Variants in SPHKAP observed in about 807,000 individuals in gnomAD.
SPHKAP encodes SPHK1 interactor, AKAP domain containing, also known as A-kinase anchor protein SPHKAP.
In SPHKAP, 67 loss-of-function variants were observed where a neutral mutation model predicts 137.5. That is an observed-to-expected ratio of 0.49 (90% CI 0.40 to 0.60). The LOEUF is 0.60. SPHKAP is among the 20% of genes least tolerant of loss of function. The probability of loss-of-function intolerance (pLI) is 0.00; values close to 1 mark genes in which losing one functional copy is unlikely to be tolerated. For synonymous variants in SPHKAP, 813 were observed against 785.3 expected (o/e 1.04, Z -0.59); for missense variants, 2,097 against 2,069.3 (o/e 1.01, Z -0.26).
intron 7 of SPHKAP, among the ~76,000 whole-genome samples, chr2:227,998,937 G>A (rs1410573750): frequency 1.3e-5 from 2 of 152,156 alleles, no homozygotes; most frequent in Non-Finnish European, 2.9e-5. Flanking sequence ...ACCTAAGACA[G>A]GTGGCCTCTT....
At chr2:228,177,461 G>A (rs1700777689) in intron 1 of SPHKAP, among the ~76,000 whole-genome samples, 1 of 152,102 alleles carries the variant, frequency 6.6e-6, no homozygotes, top group Admixed American at 6.5e-5. Context: ...TACTCTTAAG[G>A]CAGTATTTCG....
chr2:228,139,191 C>T lies in SPHKAP; in HGVS notation c.33-7106G>A, dbSNP rs191012793. 2.4e-3 allele frequency among the ~76,000 whole-genome samples: 360 copies of T among 152,134 alleles called. 2 individuals are homozygous for T. The highest frequency in any genetic ancestry group is 4.0e-3 in the Non-Finnish European group (272 of 67,988). ...GTAAATATCAACAGCGGAAAAATTCCCTATTTTCAGTTCCGAAATCTTTTT... is the reference window on the plus strand; with the variant it reads ...GTAAATATCAACAGCGGAAAAATTCTCTATTTTCAGTTCCGAAATCTTTTT... On this transcript the variant is annotated intron_variant, in intron 1 of 11. Coordinates refer to ENST00000392056, the MANE Select transcript of SPHKAP (RefSeq NM_001142644.2).
chr2:227,996,116 G>A (rs977951699), intron 7 of SPHKAP: 1 of 984,520 alleles, frequency 1.0e-6, no homozygotes, highest in African/African-American at 1.7e-5. Flanking sequence ...AATGCAAGAG[G>A]ATCATTAGAA....
In SPHKAP at chr2:228,033,141, G is replaced by A. The variant is rs552641215; in HGVS notation, c.247-5598C>T. Among the ~76,000 whole-genome samples, 663 of 152,090 alleles carry A rather than the reference G, an allele frequency of 4.4e-3. 9 individuals are homozygous for A. Among genetic ancestry groups the A allele is most frequent in the African/African-American group, 0.015 (602 of 41,488 alleles). On this transcript the variant is annotated intron_variant, in intron 3 of 11. Transcript: ENST00000392056. ...GCTGTATTCAGGAAACCCATCTCACGTGCAGAGACACACATAGGCTCAAAA... is the reference window on the plus strand; with the variant it reads ...GCTGTATTCAGGAAACCCATCTCACATGCAGAGACACACATAGGCTCAAAA...
In SPHKAP at chr2:227,991,265, G is replaced by T; in HGVS notation, c.4774+9C>A. The T allele has an allele frequency of 1.2e-6, 2 of 1,614,206 alleles. No individual in the cohort carries two copies. Among genetic ancestry groups the T allele is most frequent in the Non-Finnish European group, 1.7e-6 (2 of 1,180,008 alleles). On this transcript the variant is annotated intron_variant, in intron 10 of 11. Coordinates refer to ENST00000392056, the MANE Select transcript of SPHKAP (RefSeq NM_001142644.2). ...AATTGTGTGTCAAAAGTATGGGAAG[G>T]TGGCTTACCCTCTGTGCTTTCTGAC...
chr2:228,019,849 T>C lies in SPHKAP; in HGVS notation c.1005A>G (p.Ser335=). 1.9e-6 allele frequency: 3 copies of C among 1,614,228 alleles called. No individual in the cohort carries two copies. The East Asian group carries it at 6.7e-5, about 36-fold the overall frequency. ...CATCTTTTGGAATATACAGTGCCTGTGATTTTTCCATTTGACCTTTAAAAG... is the reference window on the plus strand; with the variant it reads ...CATCTTTTGGAATATACAGTGCCTGCGATTTTTCCATTTGACCTTTAAAAG... ...SEAFKGQMEK[S]QALYIPKDAY... Residue 335 remains serine (S), a synonymous_variant, in exon 7 of 12, where the codon TCA becomes TCG. Coordinates refer to ENST00000392056, the MANE Select transcript of SPHKAP (RefSeq NM_001142644.2).
chr2:228,061,771 A>G (rs754745736), intron 3 of SPHKAP, among the ~76,000 whole-genome samples: 33 of 151,666 alleles, frequency 2.2e-4, no homozygotes, highest in Non-Finnish European at 4.4e-4. Flanking sequence ...ACACATATGT[A>G]TATATATATA....
rs1456207051 is a variant in SPHKAP, at chr2:228,019,695, T to C, written c.1159A>G (p.Thr387Ala). The C allele has an allele frequency of 6.2e-7, 1 of 1,614,218 alleles. No homozygotes were observed. The highest frequency in any genetic ancestry group is 8.5e-7 in the Non-Finnish European group (1 of 1,180,028). The part of the protein sequence containing the change: ...ALPPRQDGEV[T>A]TGKYATNLAE... The stretch of plus-strand genomic sequence containing the variant: ...AAATTTGTAGCATACTTGCCAGTGG[T>C]GACTTCTCCATCTTGTCTAGGAGGG... The change falls in exon 7 of 12, where the codon ACC (threonine) becomes GCC (alanine). Residue 387 changes from threonine (T) to alanine (A), a missense_variant. Transcript: ENST00000392056.
chr2:228,158,569 G>T (rs1700179654), intron 1 of SPHKAP, among the ~76,000 whole-genome samples: 2 of 152,028 alleles, frequency 1.3e-5, no homozygotes, highest in African/African-American at 4.8e-5. Context: ...AATATAAAAA[G>T]ATTCAAAATT....
intron 3 of SPHKAP, among the ~76,000 whole-genome samples, chr2:228,030,566 T>TAAAAAAAAAAAAAAAAAAAAAAAAAAAA (rs1695269812): frequency 7.5e-6 from 1 of 132,808 alleles, no homozygotes; most frequent in Non-Finnish European, 1.6e-5. Flanking sequence ...ATAAAAAAAT[T>TAAAAAAAAAAAAAAAAAAAAAAAAAAAA]AAAATATTCT....
intron 3 of SPHKAP, among the ~76,000 whole-genome samples, chr2:228,091,662 T>A (rs989473830): frequency 5.3e-5 from 8 of 151,998 alleles, no homozygotes; most frequent in Non-Finnish European, 7.4e-5. Context: ...GAAACATTTT[T>A]AAAAAATGCT....
chr2:228,077,524 T>C (rs193204680), intron 3 of SPHKAP, among the ~76,000 whole-genome samples: 404 of 152,356 alleles, frequency 2.7e-3, no homozygotes, highest in Non-Finnish European at 5.1e-3. Context: ...TTGACTGCCC[T>C]GCTGGATTTC....
At chr2:228,049,805 A>G (rs1696190512) in intron 3 of SPHKAP, among the ~76,000 whole-genome samples, 1 of 152,192 alleles carries the variant, frequency 6.6e-6, no homozygotes, top group Non-Finnish European at 1.5e-5. Context: ...AGTTGCACCC[A>G]TGTTGCTGCA....
rs1424848178 is a variant in SPHKAP at position 228,017,283 on chromosome 2, T to C, written c.3571A>G (p.Thr1191Ala). 1.9e-6 allele frequency: 3 copies of C among 1,613,924 alleles called. No individual in the cohort carries two copies. Among genetic ancestry groups the C allele is most frequent in the African/African-American group, 2.7e-5 (2 of 74,912 alleles). ...PSKQSSTESI[T>A]EEFYRYMLRD... ...AGCATGTACCTGTAGAACTCCTCAG[T>C]GATGCTCTCTGTGCTGGACTGCTTA... The change falls in exon 7 of 12, where the codon ACT becomes GCT. Residue 1191 changes from threonine to alanine, a missense_variant. Transcript: ENST00000392056.
intron 1 of SPHKAP, among the ~76,000 whole-genome samples, chr2:228,172,774 G>T (rs1700622617): frequency 6.6e-6 from 1 of 152,184 alleles, no homozygotes; most frequent in Non-Finnish European, 1.5e-5. Context: ...AACTCAGGCT[G>T]TTGGAACAGC....
intron 3 of SPHKAP, among the ~76,000 whole-genome samples, chr2:228,035,643 T>C (rs1210407541): frequency 2.0e-5 from 3 of 152,326 alleles, no homozygotes; most frequent in East Asian, 1.9e-4. Flanking sequence ...ACTACAAGGC[T>C]ACAGTAACCA....
At chr2:227,998,736 C>T (rs554059619) in intron 7 of SPHKAP, among the ~76,000 whole-genome samples, 105 of 152,308 alleles carry the variant, frequency 6.9e-4, no homozygotes, top group African/African-American at 2.4e-3. Flanking sequence ...GACAGACCAT[C>T]CCATCTTCCG....
At chr2:228,033,854 A>T (rs1272944765) in intron 3 of SPHKAP, among the ~76,000 whole-genome samples, 2 of 152,250 alleles carry the variant, frequency 1.3e-5, no homozygotes, top group East Asian at 3.8e-4. Flanking sequence ...ACAACATACC[A>T]GAATCTCTGG....
chr2:228,117,488 TGTGA>T (rs1240197762), intron 2 of SPHKAP, among the ~76,000 whole-genome samples: 3 of 152,122 alleles, frequency 2.0e-5, no homozygotes, highest in Admixed American at 2.0e-4. Flanking sequence ...AAGACTGCGA[TGTGA>T]GTGGCTCATT....
Sources: gnomAD v4.1 joint callset for allele counts (sites outside exome capture counted in the v4.1 genomes callset) on GRCh38, gnomAD v4.1.1 for gene constraint, MANE v1.5 for transcripts, NCBI Gene and HGNC (gene_info 2026-07-23, HGNC 2026-07-21) for gene names.